The following TRPC4AP variants were observed in gnomAD, a reference collection of about 807,000 sequenced individuals.
TRPC4AP encodes the protein short transient receptor potential channel 4-associated protein.
In TRPC4AP, 45 loss-of-function variants were observed where a neutral mutation model predicts 99.0. The observed-to-expected ratio is 0.45, with a 90% CI of 0.36 to 0.58. The LOEUF (loss-of-function observed/expected upper bound fraction) is 0.58. TRPC4AP is among the 20% of genes least tolerant of loss of function. TRPC4AP has a pLI of 0.00. For missense variants in TRPC4AP, 879 were observed against 985.3 expected (o/e 0.89, Z 1.44); for synonymous variants, 408 against 385.8 (o/e 1.06, Z -0.67).
intron 14 of TRPC4AP, 60 bp from the exon 15 acceptor site, chr20:35,006,635 T>C: frequency 1.9e-6 from 3 of 1,589,992 alleles, no homozygotes; most frequent in Non-Finnish European, 2.6e-6. Context: ...GGGCCTGGCA[T>C]GGAGCTCAGA....
Position 35,084,218 on chromosome 20 carries a change from C to T in TRPC4AP, c.169-6044G>A, listed in dbSNP as rs540486424. Among the ~76,000 whole-genome samples, 11 of 150,592 alleles carry T rather than the reference C, an allele frequency of 7.3e-5. No homozygotes were observed. In the South Asian group the frequency reaches 2.3e-3, roughly 32 times the overall value. On this transcript the variant is annotated intron_variant, in intron 1 of 18. Transcript: ENST00000252015. ...TCGGGGGGCATAGGTTGCAGGGAGC[C>T]GAGATTGCGCCATTCCACTCCAGCC... is the stretch of plus-strand genomic sequence containing the variant.
At chr20:35,019,928 T>C (rs138072393) in intron 9 of TRPC4AP, among the ~76,000 whole-genome samples, 77 of 152,114 alleles carry the variant, frequency 5.1e-4, no homozygotes, top group African/African-American at 1.7e-3. Context: ...ACCTCAAATC[T>C]ACCTTGTACA....
intron 2 of TRPC4AP, among the ~76,000 whole-genome samples, chr20:35,071,353 A>T (rs1041717565): frequency 6.6e-6 from 1 of 152,012 alleles, no homozygotes; most frequent in Non-Finnish European, 1.5e-5. Flanking sequence ...ACATATGTAT[A>T]CATGTGCCAT....
chr20:35,028,173 G>T (rs2083075500), intron 8 of TRPC4AP, among the ~76,000 whole-genome samples: 1 of 151,172 alleles, frequency 6.6e-6, no homozygotes, highest in Non-Finnish European at 1.5e-5. Context: ...CCATAAGTTT[G>T]ATATATAGTA....
At chr20:35,074,730 G>C (rs987690390) in intron 2 of TRPC4AP, among the ~76,000 whole-genome samples, 3 of 152,192 alleles carry the variant, frequency 2.0e-5, no homozygotes, top group Admixed American at 6.5e-5. Context: ...GTGGCGCTGA[G>C]AAGAATGTAT....
chr20:35,043,450 T>C (rs1203741630), intron 7 of TRPC4AP, among the ~76,000 whole-genome samples: 2 of 152,120 alleles, frequency 1.3e-5, no homozygotes, highest in Non-Finnish European at 2.9e-5. Flanking sequence ...TTTCGCCATG[T>C]TGGCCAGGCT....
At chr20:35,067,482 T>C (rs2084174454) in intron 3 of TRPC4AP, among the ~76,000 whole-genome samples, 1 of 152,080 alleles carries the variant, frequency 6.6e-6, no homozygotes, top group Admixed American at 6.6e-5. Flanking sequence ...AAACATAGAG[T>C]TACCCCATAT....
At chr20:35,048,277 T>G (rs2083607250) in intron 6 of TRPC4AP, among the ~76,000 whole-genome samples, 1 of 149,448 alleles carries the variant, frequency 6.7e-6, no homozygotes, top group Admixed American at 6.7e-5. Context: ...AGTGACATAA[T>G]CTTGGCTCAC....
intron 8 of TRPC4AP, 21 bp downstream of exon 8, chr20:35,035,102 A>G (rs765880902): frequency 1.9e-5 from 31 of 1,606,134 alleles, no homozygotes; most frequent in Non-Finnish European, 2.6e-5. Flanking sequence ...CCGATCACTC[A>G]GGGGACCCAT....
At chr20:35,078,896 T>C (rs1486950663) in intron 1 of TRPC4AP, among the ~76,000 whole-genome samples, 2 of 152,216 alleles carry the variant, frequency 1.3e-5, no homozygotes, top group East Asian at 3.9e-4. Flanking sequence ...TAAAACCCCA[T>C]CTCTACTAAA....
chr20:35,047,210 A>T (rs1297869503), intron 6 of TRPC4AP, among the ~76,000 whole-genome samples: 2 of 152,208 alleles, frequency 1.3e-5, no homozygotes, highest in Non-Finnish European at 1.5e-5. Context: ...TACAATACGT[A>T]TTATGCAGCA....
intron 5 of TRPC4AP, among the ~76,000 whole-genome samples, chr20:35,052,087 GTTTT>G (rs1321539020): frequency 6.8e-6 from 1 of 146,372 alleles, no homozygotes; most frequent in East Asian, 2.0e-4. Context: ...TTCATCATAG[GTTTT>G]TTTTTGGTTT....
chr20:35,083,539 G>A (rs1391620980), intron 1 of TRPC4AP, among the ~76,000 whole-genome samples: 1 of 151,768 alleles, frequency 6.6e-6, no homozygotes, highest in African/African-American at 2.4e-5. Context: ...GAACCTGGGA[G>A]GCGGAGGTTG....
At chr20:35,025,027 T>C (rs1169657543) in intron 8 of TRPC4AP, among the ~76,000 whole-genome samples, 2 of 152,104 alleles carry the variant, frequency 1.3e-5, no homozygotes, top group East Asian at 1.9e-4. Flanking sequence ...CATAACTGTA[T>C]GTTAACCCTT....
rs187517083 is a variant in TRPC4AP, at chr20:35,027,786, T to C, written c.1052-6430A>G. Among the ~76,000 whole-genome samples, 4 of 152,366 alleles carry C rather than the reference T, an allele frequency of 2.6e-5. No homozygotes were observed. In the East Asian group the frequency reaches 7.7e-4, roughly 29 times the overall value. Reference sequence around the variant, plus strand: ...CATTTCATCTAGGTTATTTAGTTTATTGGCTTATATTGTTTATAGTATTCC... The same window carrying C: ...CATTTCATCTAGGTTATTTAGTTTACTGGCTTATATTGTTTATAGTATTCC... On this transcript the variant is annotated intron_variant, in intron 8 of 18. Transcript: ENST00000252015.
rs2084956944 is a variant in TRPC4AP at position 35,088,750 on chromosome 20, GA to G, written c.168+3863del. Among the ~76,000 whole-genome samples, 7 of 152,096 alleles carry G rather than the reference GA, an allele frequency of 4.6e-5. No individual in the cohort carries two copies. The South Asian group carries it at 1.5e-3, about 32-fold the overall frequency. On this transcript the variant is annotated intron_variant, in intron 1 of 18. Transcript: ENST00000252015. ...TCAGGTCCACCTTACTTTAAAATCTGATTTTTTTTTCCAAGGAAATTCCATC... is the reference window on the plus strand; with the variant it reads ...TCAGGTCCACCTTACTTTAAAATCTGTTTTTTTTTCCAAGGAAATTCCATC...
intron 8 of TRPC4AP, chr20:35,030,492 T>C (rs1321323609): frequency 6.6e-6 from 1 of 152,222 alleles, no homozygotes; most frequent in Non-Finnish European, 1.5e-5. Flanking sequence ...GCATATTGTA[T>C]CTATGTATGT....
chr20:35,025,732 T>G (rs1350898921), intron 8 of TRPC4AP, among the ~76,000 whole-genome samples: 1 of 152,218 alleles, frequency 6.6e-6, no homozygotes, highest in Non-Finnish European at 1.5e-5. Flanking sequence ...GTGGGTTCTC[T>G]TTTCACTTTC....
At chr20:35,012,802 A>C (rs1390586750) in intron 11 of TRPC4AP, among the ~76,000 whole-genome samples, 1 of 152,208 alleles carries the variant, frequency 6.6e-6, no homozygotes, top group Admixed American at 6.5e-5. Flanking sequence ...GGGTTAGAAG[A>C]AAGCTTGGGG....
Sources: allele counts gnomAD v4.1 joint callset (sites outside exome capture counted in the v4.1 genomes callset), GRCh38; gene constraint gnomAD v4.1.1; transcripts MANE v1.5; gene names NCBI Gene and HGNC (gene_info 2026-07-23, HGNC 2026-07-21).